Variants in CLSTN2 observed in about 807,000 individuals in gnomAD.
CLSTN2 encodes calsyntenin-2.
CLSTN2 carries 48 observed loss-of-function variants against 101.2 expected under a neutral mutation model. That is an observed-to-expected ratio of 0.47 (90% CI 0.38 to 0.60). The LOEUF (loss-of-function observed/expected upper bound fraction) is 0.60, where lower values mean the gene tolerates loss of function less well. Ranked by LOEUF, CLSTN2 falls within the 20% of genes least tolerant of loss-of-function variation. The pLI is 0.00. For missense variants in CLSTN2, 1,160 were observed against 1,238.2 expected (o/e 0.94, Z 0.95); for synonymous variants, 481 against 463.6 (o/e 1.04, Z -0.48).
chr3:139,981,686 G>C (rs1222442492), intron 1 of CLSTN2, among the ~76,000 whole-genome samples: 1 of 152,200 alleles, frequency 6.6e-6, no homozygotes, highest in Non-Finnish European at 1.5e-5. Flanking sequence ...ATTTCAATTA[G>C]CTGCCTAAAG....
chr3:140,421,371 A>T (rs7643984), intron 5 of CLSTN2, 97 bp downstream of exon 5: 685,564 of 1,415,234 alleles, frequency 0.48, 173,131 homozygotes, highest in African/African-American at 0.87. Context: ...ATAACTTTTT[A>T]AAGTACAGTC....
At chr3:140,325,282 C>CCCCAGCAGTGACTT (rs1424740522) in intron 2 of CLSTN2, among the ~76,000 whole-genome samples, 2 of 152,190 alleles carry the variant, frequency 1.3e-5, no homozygotes, top group East Asian at 1.9e-4. Flanking sequence ...GAGCAGGCCT[C>CCCCAGCAGTGACTT]CCCAGCAGTG....
At chr3:140,351,654 G>A (rs1409502981) in intron 2 of CLSTN2, among the ~76,000 whole-genome samples, 1 of 152,212 alleles carries the variant, frequency 6.6e-6, no homozygotes, top group Admixed American at 6.5e-5. Context: ...GTATTTAAAT[G>A]AACGGGTGTG....
chr3:140,051,455 C>T (rs116207597), intron 1 of CLSTN2, among the ~76,000 whole-genome samples: 2,008 of 152,310 alleles, frequency 0.013, 48 homozygotes, highest in African/African-American at 0.046. Flanking sequence ...TCCTAAACAT[C>T]TCTCTCCTTA....
At chr3:140,360,027 C>CACACACACAT (rs1553736151) in intron 2 of CLSTN2, among the ~76,000 whole-genome samples, 1 of 145,300 alleles carries the variant, frequency 6.9e-6, no homozygotes, top group African/African-American at 2.6e-5. Flanking sequence ...CACACACACA[C>CACACACACAT]ATATATATAT....
chr3:140,290,099 T>C lies in CLSTN2; in HGVS notation c.233-113530T>C, dbSNP rs2086934222. 2.6e-5 allele frequency among the ~76,000 whole-genome samples: 4 copies of C among 151,888 alleles called. No homozygotes were observed. The South Asian group carries it at 8.3e-4, about 32-fold the overall frequency. On this transcript the variant is annotated intron_variant, in intron 2 of 16. Transcript: ENST00000458420. ...CCCTTTAGTGCTCTGATTTTGCTAA[T>C]AGGCATCAGAAAAGATTGTCATTAT...
intron 1 of CLSTN2, among the ~76,000 whole-genome samples, chr3:140,001,595 G>A (rs2006841889): frequency 1.3e-5 from 2 of 151,824 alleles, no homozygotes; most frequent in African/African-American, 4.8e-5. Flanking sequence ...TATCCCCTCA[G>A]CCATTTATCC....
intron 5 of CLSTN2, among the ~76,000 whole-genome samples, chr3:140,445,197 G>T (rs566015282): frequency 2.6e-5 from 4 of 152,238 alleles, no homozygotes; most frequent in Admixed American, 1.3e-4. Context: ...TGCCAGCTAG[G>T]GGGTGAGTGA....
At chr3:140,052,654 C>T (rs1560080307) in intron 1 of CLSTN2, among the ~76,000 whole-genome samples, 2 of 152,178 alleles carry the variant, frequency 1.3e-5, no homozygotes, top group Admixed American at 1.3e-4. Flanking sequence ...GAAATGCCCC[C>T]TGAGGTAAGA....
At chr3:140,190,158 A>AC (rs1218837514) in intron 2 of CLSTN2, among the ~76,000 whole-genome samples, 1 of 151,914 alleles carries the variant, frequency 6.6e-6, no homozygotes, top group Non-Finnish European at 1.5e-5. Context: ...TAATACTATC[A>AC]CCTGGGGGAT....
chr3:140,066,173 G>T (rs755251720), intron 1 of CLSTN2, among the ~76,000 whole-genome samples: 2 of 152,270 alleles, frequency 1.3e-5, no homozygotes, highest in Admixed American at 6.5e-5. Flanking sequence ...TTTCAGACAG[G>T]CATAAATGCA....
At chr3:140,237,506 T>A (rs1180294226) in intron 2 of CLSTN2, among the ~76,000 whole-genome samples, 1 of 152,094 alleles carries the variant, frequency 6.6e-6, no homozygotes, top group African/African-American at 2.4e-5. Context: ...CCTTCCTCTC[T>A]TACACTCTTC....
chr3:140,475,929 C>G (rs1045550675), intron 8 of CLSTN2, among the ~76,000 whole-genome samples: 2 of 152,132 alleles, frequency 1.3e-5, no homozygotes, highest in Admixed American at 1.3e-4. Flanking sequence ...AACGTCAACA[C>G]AATTATAAAT....
At chr3:139,956,452 G>C (rs1481824338) in intron 1 of CLSTN2, among the ~76,000 whole-genome samples, 3 of 152,158 alleles carry the variant, frequency 2.0e-5, no homozygotes, top group Admixed American at 2.0e-4. Context: ...CCCCCGCTGG[G>C]CTTGGGTCGA....
At chr3:139,947,341 C>T (rs547289083) in intron 1 of CLSTN2, among the ~76,000 whole-genome samples, 13 of 152,326 alleles carry the variant, frequency 8.5e-5, no homozygotes, top group South Asian at 4.1e-4. Context: ...TGTACTCTGC[C>T]AATACTTATT....
At chr3:140,404,345 T>C (rs1295108961) in intron 3 of CLSTN2, among the ~76,000 whole-genome samples, 32 of 152,192 alleles carry the variant, frequency 2.1e-4, no homozygotes, top group Admixed American at 2.1e-3. Context: ...TAAAAGTCTC[T>C]CTGGGATGGA....
chr3:140,328,669 C>T (rs371408915), intron 2 of CLSTN2, among the ~76,000 whole-genome samples: 106 of 152,256 alleles, frequency 7.0e-4, no homozygotes, highest in African/African-American at 2.5e-3. Flanking sequence ...ATGGTAAAGA[C>T]AGTGGATCAT....
intron 2 of CLSTN2, among the ~76,000 whole-genome samples, chr3:140,306,616 C>G (rs956331490): frequency 6.6e-6 from 1 of 152,142 alleles, no homozygotes; most frequent in African/African-American, 2.4e-5. Context: ...CACAGCCTTG[C>G]TCTTTGTCCT....
chr3:140,428,550 A>G (rs2088596795), intron 5 of CLSTN2, among the ~76,000 whole-genome samples: 1 of 152,068 alleles, frequency 6.6e-6, no homozygotes. Context: ...TCAGCTCTCC[A>G]GCCCCCAAGG....
Sources: allele counts gnomAD v4.1 joint callset (sites outside exome capture counted in the v4.1 genomes callset), GRCh38; gene constraint gnomAD v4.1.1; transcripts MANE v1.5; gene names NCBI Gene and HGNC (gene_info 2026-07-23, HGNC 2026-07-21).